ZNF433: variants seen among roughly 807,000 people sequenced by gnomAD.
ZNF433 encodes zinc finger protein 433.
In ZNF433, 12 loss-of-function variants were observed where a neutral mutation model predicts 10.6. That is an observed-to-expected ratio of 1.13 (90% CI 0.72 to 1.83). The LOEUF (loss-of-function observed/expected upper bound fraction) is 1.83. Ranked by LOEUF, ZNF433 falls within the 40% of genes most tolerant of loss-of-function variation. ZNF433 has a pLI of 0.00. For missense variants in ZNF433, 737 were observed against 798.0 expected (o/e 0.92, Z 0.92); for synonymous variants, 272 against 271.3 (o/e 1.00, Z -0.02).
At chr19:12,033,598 G>A (rs1397008592) in intron 1 of ZNF433, among the ~76,000 whole-genome samples, 1 of 152,008 alleles carries the variant, frequency 6.6e-6, no homozygotes, top group Non-Finnish European at 1.5e-5. Context: ...CAAGGCGGGT[G>A]GATCACAAGG....
chr19:12,023,127 G>C (rs568218162), intron 1 of ZNF433: 5 of 152,180 alleles, frequency 3.3e-5, no homozygotes, highest in African/African-American at 1.2e-4. Context: ...AGGCATTTCC[G>C]GCTGAGGCCA....
At position 12,016,375 on chromosome 19, in the gene ZNF433, A is replaced by C; in HGVS notation, c.483T>G (p.His161Gln). 1 of 1,614,202 alleles carries C rather than the reference A, an allele frequency of 6.2e-7. No individual in the cohort carries two copies. Among genetic ancestry groups the C allele is most frequent in the Non-Finnish European group, 8.5e-7 (1 of 1,180,026 alleles). Residue 161 changes from histidine (H) to glutamine (Q), a missense_variant, in exon 4 of 4, where the codon CAT becomes CAG. His to Gln is a conservative substitution (Grantham distance 24). Transcript: ENST00000550507. ...LSSVQTHERA[H>Q]SGRKLYVCEE... is the part of the protein sequence containing the mutation. ...CACAAACATAGAGTTTCCTTCCACT[A>C]TGAGCCCTTTCATGTGTCTGAACAG... is the stretch of plus-strand genomic sequence containing the variant.
Position 12,014,779 on chromosome 19 carries a change from G to T in ZNF433, c.*66C>A. On this transcript the variant is annotated 3_prime_UTR_variant, in exon 4 of 4. Transcript: ENST00000550507. ...TTTTATAACAGAGTCTCACTATGTTGCCCAGGCTGGTCTTGAACTCCTGGG... is the reference window on the plus strand; with the variant it reads ...TTTTATAACAGAGTCTCACTATGTTTCCCAGGCTGGTCTTGAACTCCTGGG... 1 of 1,195,144 alleles carries T rather than the reference G, an allele frequency of 8.4e-7. No individual in the cohort carries two copies. The highest frequency in any genetic ancestry group is 1.2e-6 in the Non-Finnish European group (1 of 867,946). The allele number at this position is 1,195,144 out of a possible 1,614,324, so 74.0% of individuals were successfully genotyped here. A position where few individuals can be genotyped will look rare whatever the true frequency, so the allele number is the denominator to read the frequency against.
chr19:12,033,575 CA>C (rs1286936885), intron 1 of ZNF433, among the ~76,000 whole-genome samples: 2 of 151,788 alleles, frequency 1.3e-5, no homozygotes, highest in African/African-American at 2.4e-5. Context: ...GTAATCCCAG[CA>C]CTTTGGGAGG....
Position 12,016,319 on chromosome 19 carries a change from G to T in ZNF433, c.539C>A (p.Ser180Ter). 6.2e-7 allele frequency: 1 copy of T among 1,614,188 alleles called. No individual in the cohort carries two copies. ...CATTATCCTGTGTCTTTGAAGGTTT[G>T]AATGGGAAATAAATGTTTTTCCGCA... ...EECGKTFISH[S>*]NLQRHRIMHR... The change falls in exon 4 of 4, where the codon TCA becomes TAA. Residue 180 changes from serine (S) to a stop codon, truncating the protein, a stop_gained. Transcript: ENST00000550507. LOFTEE classifies it low-confidence loss of function (END_TRUNC).
At chr19:12,019,482 T>C (rs947770163) in intron 1 of ZNF433, among the ~76,000 whole-genome samples, 1 of 152,328 alleles carries the variant, frequency 6.6e-6, no homozygotes. Context: ...CCTTGTGCTC[T>C]GTTTAAAGGA....
chr19:12,028,246 C>T (rs2145465732), intron 1 of ZNF433, among the ~76,000 whole-genome samples: 1 of 152,140 alleles, frequency 6.6e-6, no homozygotes, highest in Non-Finnish European at 1.5e-5. Context: ...ATTATCTGCT[C>T]AATGTTATGG....
In ZNF433 at chr19:12,016,570, A is replaced by C. The variant is rs201420173; in HGVS notation, c.288T>G (p.Thr96=). Residue 96 remains threonine (T), a synonymous_variant, in exon 4 of 4, where the codon ACT becomes ACG. Coordinates refer to ENST00000550507, the MANE Select transcript of ZNF433 (RefSeq NM_001308348.2). ...CACTGCTTTCGCATGATTTTACTCC[A>C]GTAGTTGTTTTCTTCAGCATGTCAT... is the stretch of plus-strand genomic sequence containing the variant. ...VPDDMLKKTT[T]GVKSCESSVY... The C allele has an allele frequency of 1.0e-4, 166 of 1,614,124 alleles. No individual in the cohort carries two copies. The highest frequency in any genetic ancestry group is 1.2e-4 in the Non-Finnish European group (145 of 1,180,034).
chr19:12,029,473 G>C (rs954696535), intron 1 of ZNF433, among the ~76,000 whole-genome samples: 5 of 119,858 alleles, frequency 4.2e-5, no homozygotes, highest in African/African-American at 9.4e-5. Context: ...AGTGAGCTGA[G>C]ATTGCACCAC....
chr19:12,028,235 G>C (rs1472081786), intron 1 of ZNF433, among the ~76,000 whole-genome samples: 8 of 152,000 alleles, frequency 5.3e-5, no homozygotes, highest in Non-Finnish European at 7.4e-5. Flanking sequence ...GACCCATGTA[G>C]ATTATCTGCT....
At chr19:12,031,424 CG>C (rs1975024230) in intron 1 of ZNF433, among the ~76,000 whole-genome samples, 2 of 151,904 alleles carry the variant, frequency 1.3e-5, no homozygotes, top group South Asian at 4.2e-4. Flanking sequence ...CAAGAAGGGG[CG>C]GATCACTTGA....
At chr19:12,026,556 G>A (rs1974742830) in intron 1 of ZNF433, 1 of 365,310 alleles carries the variant, frequency 2.7e-6, no homozygotes, top group South Asian at 2.0e-5. Flanking sequence ...AATAATGCCT[G>A]GATGTGATCA....
chr19:12,035,354 G>A (rs1178959468), intron 1 of ZNF433, among the ~76,000 whole-genome samples, 183 bp downstream of exon 1: 1 of 152,186 alleles, frequency 6.6e-6, no homozygotes, highest in Non-Finnish European at 1.5e-5. Flanking sequence ...GAGACGCCCG[G>A]GTCCCGGCGG....
In ZNF433 at chr19:12,015,314, G is replaced by C. The variant is rs200647221; in HGVS notation, c.1544C>G (p.Ser515Trp). Residue 515 changes from serine to tryptophan, a missense_variant, in exon 4 of 4, where the codon TCG becomes TGG. Coordinates refer to ENST00000550507, the MANE Select transcript of ZNF433 (RefSeq NM_001308348.2). ...CCTTCCATGATATCGAAAGGAGCTC[G>C]AACAGTTGAAGGATCTGCCACACTG... ...CKQCGRSFNC[S>W]SSFRYHGRTH... The C allele has an allele frequency of 1.2e-6, 2 of 1,613,704 alleles. No homozygotes were observed. Among genetic ancestry groups the C allele is most frequent in the African/African-American group, 1.3e-5 (1 of 74,774 alleles).
At position 12,015,463 on chromosome 19, in the gene ZNF433, A is replaced by G. The variant is rs201567121; in HGVS notation, c.1395T>C (p.His465=). Residue 465 remains histidine, a synonymous_variant, in exon 4 of 4, where the codon CAT becomes CAC. Coordinates refer to ENST00000550507, the MANE Select transcript of ZNF433 (RefSeq NM_001308348.2). ...PFSNFSFFQI[H]ERMHREEKPY... ...GCTTCTCTTCTCTGTGCATCCTTTC[A>G]TGTATTTGAAAGAAAGAGAAATTAC... The G allele has an allele frequency of 4.3e-6, 7 of 1,613,934 alleles. No homozygotes were observed. Among genetic ancestry groups the G allele is most frequent in the Non-Finnish European group, 5.1e-6 (6 of 1,179,974 alleles).
At chr19:12,032,015 C>T (rs538579336) in intron 1 of ZNF433, among the ~76,000 whole-genome samples, 26 of 150,976 alleles carry the variant, frequency 1.7e-4, no homozygotes, top group African/African-American at 6.3e-4. Context: ...CTCGGCTCAC[C>T]GCAACCTCTG....
At chr19:12,034,940 GT>G (rs1411052684) in intron 1 of ZNF433, 4 of 454,194 alleles carry the variant, frequency 8.8e-6, no homozygotes, top group Non-Finnish European at 1.8e-5. Flanking sequence ...CTGGGGTTGT[GT>G]TTTCCTCAGC....
Position 12,016,036 on chromosome 19 carries a change from AGT to A in ZNF433, c.820_821del (p.Thr274TrpfsTer6), listed in dbSNP as rs1676543904. On this transcript the variant is annotated frameshift_variant, in exon 4 of 4. Coordinates refer to ENST00000550507, the MANE Select transcript of ZNF433 (RefSeq NM_001308348.2). LOFTEE classifies it low-confidence loss of function (END_TRUNC). ...GTTTACATTCATATGGCTTCTCCCC[AGT>A]GTGAGTTCTTTTATGAGCATGAAGG... ...TCLHAHKRTHTGEKPYECKQC... is the reference protein window; with the variant it reads ...TCLHAHKRTHXGEKPYECKQC... 1 of 1,613,808 alleles carries A rather than the reference AGT, an allele frequency of 6.2e-7. No individual in the cohort carries two copies. Among genetic ancestry groups the A allele is most frequent in the East Asian group, 2.2e-5 (1 of 44,878 alleles).
intron 1 of ZNF433, among the ~76,000 whole-genome samples, chr19:12,028,191 T>C (rs1159558928): frequency 1.3e-5 from 2 of 152,002 alleles, no homozygotes; most frequent in African/African-American, 2.4e-5. Context: ...TGAAGTACCA[T>C]AGGAAGAACT....
Sources: gnomAD v4.1 joint callset for allele counts (sites outside exome capture counted in the v4.1 genomes callset) on GRCh38, gnomAD v4.1.1 for gene constraint, MANE v1.5 for transcripts, NCBI Gene and HGNC (gene_info 2026-07-23, HGNC 2026-07-21) for gene names.